The following ESRRG variants were observed in gnomAD, a reference collection of about 807,000 sequenced individuals.
The protein encoded by ESRRG is estrogen related receptor gamma.
Under a neutral mutation model 44.0 loss-of-function variants are expected in ESRRG, and 13 were observed. The ratio of observed to expected loss-of-function variants is 0.30; its 90% CI spans 0.19 to 0.47. ESRRG has a LOEUF of 0.47. ESRRG is among the 20% of genes least tolerant of loss of function. ESRRG has a pLI of 1.00. For synonymous variants in ESRRG, 215 were observed against 214.6 expected, an observed-to-expected ratio of 1.00 and a Z score of -0.02; for missense variants, 395 against 580.6, an observed-to-expected ratio of 0.68 and a Z score of 3.29.
At chr1:216,653,029 T>C (rs2069401687) in intron 2 of ESRRG, among the ~76,000 whole-genome samples, 1 of 152,156 alleles carries the variant, frequency 6.6e-6, no homozygotes, top group African/African-American at 2.4e-5. Flanking sequence ...GCCTGAAAAG[T>C]CAGTATGAAG....
chr1:216,838,302 G>A (rs1253830696), intron 2 of ESRRG, among the ~76,000 whole-genome samples: 4 of 152,188 alleles, frequency 2.6e-5, no homozygotes, highest in Admixed American at 2.0e-4. Context: ...TGTGGCAACA[G>A]AAACTGGGTT....
At chr1:216,879,394 T>C (rs2096406298) in intron 2 of ESRRG, among the ~76,000 whole-genome samples, 1 of 150,484 alleles carries the variant, frequency 6.6e-6, no homozygotes, top group African/African-American at 2.4e-5. Flanking sequence ...CAGAAGATGG[T>C]TCATGGAAAT....
intron 2 of ESRRG, among the ~76,000 whole-genome samples, chr1:216,792,883 T>G (rs2148122864): frequency 6.6e-6 from 1 of 152,312 alleles, no homozygotes; most frequent in Admixed American, 6.5e-5. Context: ...CCATTTCCAT[T>G]TTCATAAGGC....
intron 3 of ESRRG, among the ~76,000 whole-genome samples, chr1:216,646,484 G>T (rs1034563392): frequency 6.6e-6 from 1 of 152,108 alleles, no homozygotes; most frequent in African/African-American, 2.4e-5. Context: ...AAGCGAGTTA[G>T]TCTTAGAGAA....
At chr1:216,523,329 T>C (rs953450396) in intron 5 of ESRRG, among the ~76,000 whole-genome samples, 1 of 152,056 alleles carries the variant, frequency 6.6e-6, no homozygotes, top group African/African-American at 2.4e-5. Context: ...CAGATGACAG[T>C]TGGGAATAAC....
chr1:216,883,386 G>GAAAAAAAAAAAAAAAAAAAAAAAA (rs11318094), intron 2 of ESRRG, among the ~76,000 whole-genome samples: 1 of 75,842 alleles, frequency 1.3e-5, no homozygotes, highest in African/African-American at 4.3e-5. Flanking sequence ...ACTTCTCTGA[G>GAAAAAAAAAAAAAAAAAAAAAAAA]AAAAAAAAAA....
upstream of ESRRG, among the ~76,000 whole-genome samples, chr1:216,726,606 T>C (rs1173250736): frequency 6.6e-6 from 1 of 152,068 alleles, no homozygotes; most frequent in Non-Finnish European, 1.5e-5. Flanking sequence ...CACTTCACAA[T>C]CTTACCACAA....
intron 1 of ESRRG, among the ~76,000 whole-genome samples, chr1:216,703,840 T>G (rs1443578069): frequency 6.6e-6 from 1 of 152,140 alleles, no homozygotes; most frequent in Non-Finnish European, 1.5e-5. Flanking sequence ...CAGTCTTGCC[T>G]AACTCACCTG....
rs539864769 is a variant in ESRRG at position 216,568,588 on chromosome 1, G to C, written c.590-490C>G. 2.0e-5 allele frequency among the ~76,000 whole-genome samples: 3 copies of C among 152,286 alleles called. No individual in the cohort carries two copies. In the East Asian group the frequency reaches 5.8e-4, roughly 29 times the overall value. On this transcript the variant is annotated intron_variant, in intron 3 of 6. Transcript: ENST00000408911. ...AAGAGCACCTATGTGCTGGGGAGGAGGGAGGCCAGAATTACACTACACAGA... is the reference window on the plus strand; with the variant it reads ...AAGAGCACCTATGTGCTGGGGAGGACGGAGGCCAGAATTACACTACACAGA...
chr1:216,593,086 A>G (rs1271185261), intron 3 of ESRRG, among the ~76,000 whole-genome samples: 2 of 152,228 alleles, frequency 1.3e-5, no homozygotes, highest in Admixed American at 1.3e-4. Context: ...ATCAAAAAGA[A>G]GAAGAAATCT....
chr1:217,130,472 G>A lies in ESRRG; in HGVS notation c.-230+7195C>T, dbSNP rs1464758494. On this transcript the variant is annotated intron_variant, in intron 1 of 8. Transcript: ENST00000366940. ...GCTGGTCTTGAACTCCTAGCTTCAA[G>A]CAATTCTCTCTCCTGGGCCTCCCAA... Among the ~76,000 whole-genome samples, 7 of 152,212 alleles carry A rather than the reference G, an allele frequency of 4.6e-5. No individual in the cohort carries two copies. In the East Asian group the frequency reaches 7.8e-4, roughly 17 times the overall value.
At chr1:217,022,633 G>A (rs540495075) in intron 1 of ESRRG, among the ~76,000 whole-genome samples, 3 of 152,102 alleles carry the variant, frequency 2.0e-5, no homozygotes, top group Non-Finnish European at 4.4e-5. Context: ...TGGGAGCATC[G>A]ACCCTGTGCT....
intron 2 of ESRRG, among the ~76,000 whole-genome samples, chr1:216,821,541 C>A (rs889620779): frequency 1.3e-5 from 2 of 151,036 alleles, no homozygotes; most frequent in Admixed American, 6.6e-5. Flanking sequence ...ATAAATTAGC[C>A]GGGTGTAGTG....
chr1:217,061,517 G>A (rs770964080), intron 1 of ESRRG, among the ~76,000 whole-genome samples: 9 of 151,970 alleles, frequency 5.9e-5, no homozygotes, highest in Non-Finnish European at 1.0e-4. Flanking sequence ...CAGTTGCACC[G>A]GACTATAGAA....
At chr1:217,087,286 T>C (rs2092138257) in intron 1 of ESRRG, among the ~76,000 whole-genome samples, 1 of 152,228 alleles carries the variant, frequency 6.6e-6, no homozygotes, top group Non-Finnish European at 1.5e-5. Flanking sequence ...GGGTTAGTTA[T>C]ACCTTATCTT....
intron 2 of ESRRG, among the ~76,000 whole-genome samples, chr1:216,669,255 G>GTA (rs1249213483): frequency 1.3e-5 from 2 of 152,138 alleles, no homozygotes; most frequent in African/African-American, 2.4e-5. Context: ...AACCTCAAAA[G>GTA]TATAATTTAG....
At chr1:216,633,843 G>A (rs1402466590) in intron 3 of ESRRG, among the ~76,000 whole-genome samples, 1 of 152,144 alleles carries the variant, frequency 6.6e-6, no homozygotes, top group Non-Finnish European at 1.5e-5. Flanking sequence ...ATTAAGAGAT[G>A]GATAAAAGGA....
At chr1:216,770,593 G>GA (rs1413004966) in intron 2 of ESRRG, among the ~76,000 whole-genome samples, 1 of 151,614 alleles carries the variant, frequency 6.6e-6, no homozygotes, top group Non-Finnish European at 1.5e-5. Flanking sequence ...TTAATTGAAA[G>GA]AAAAAAGGAG....
At chr1:217,064,047 T>C (rs1218722963) in intron 1 of ESRRG, among the ~76,000 whole-genome samples, 1 of 147,404 alleles carries the variant, frequency 6.8e-6, no homozygotes, top group Non-Finnish European at 1.5e-5. Flanking sequence ...TAAATAGATA[T>C]ATACACACCC....
Sources: allele counts gnomAD v4.1 joint callset (sites outside exome capture counted in the v4.1 genomes callset), GRCh38; gene constraint gnomAD v4.1.1; transcripts MANE v1.5; gene names NCBI Gene and HGNC (gene_info 2026-07-23, HGNC 2026-07-21).